Variants in ATPAF2 observed in about 807,000 individuals in gnomAD.
ATPAF2 encodes the protein ATP synthase mitochondrial F1 complex assembly factor 2.
ATPAF2 carries 30 observed loss-of-function variants against 36.6 expected under a neutral mutation model. That is an observed-to-expected ratio of 0.82 (90% CI 0.61 to 1.11). The LOEUF (loss-of-function observed/expected upper bound fraction) is 1.11. ATPAF2 is among the 50% of genes most tolerant of loss of function. The pLI is 0.00. For missense variants in ATPAF2, 321 were observed against 372.3 expected (o/e 0.86, Z 1.13); for synonymous variants, 140 against 152.6 (o/e 0.92, Z 0.61).
At chr17:18,019,788 T>C (rs927396918) in intron 7 of ATPAF2, among the ~76,000 whole-genome samples, 15 of 152,242 alleles carry the variant, frequency 9.9e-5, no homozygotes, top group African/African-American at 3.6e-4. Flanking sequence ...ACTGTACAAT[T>C]GTAATATGTC....
chr17:18,015,261 G>C (rs2044314736), downstream of ATPAF2: 3 of 152,148 alleles, frequency 2.0e-5, no homozygotes, highest in Admixed American at 1.3e-4. Context: ...TGCCACTACA[G>C]GAAAGAACAA....
chr17:18,019,222 C>A (rs1005213425), intron 7 of ATPAF2, among the ~76,000 whole-genome samples: 22 of 151,956 alleles, frequency 1.4e-4, no homozygotes, highest in African/African-American at 4.8e-4. Context: ...GGAGCAGGCA[C>A]CTGTGCTCTC....
At chr17:18,025,049 G>A in intron 4 of ATPAF2, 1 of 376,382 alleles carries the variant, frequency 2.7e-6, no homozygotes, top group Non-Finnish European at 5.1e-6. Context: ...ACAGGTCCAA[G>A]CTTGCCACAC....
At chr17:18,015,961 T>C (rs1446427079), downstream of ATPAF2, 2 of 1,304,588 alleles carry the variant, frequency 1.5e-6, no homozygotes, top group Non-Finnish European at 2.1e-6. Context: ...GAGTGTGGCC[T>C]GCACAGCCAG....
chr17:18,026,618 C>T (rs565785033), intron 3 of ATPAF2: 16 of 612,156 alleles, frequency 2.6e-5, no homozygotes, highest in African/African-American at 9.2e-5. Flanking sequence ...TTTGTGTTGA[C>T]GCTCACAGGA....
Position 18,018,538 on chromosome 17 carries a change from C to T in ATPAF2, c.*11G>A, listed in dbSNP as rs1357497754. On this transcript the variant is annotated 3_prime_UTR_variant, in exon 8 of 8. Transcript: ENST00000474627. ...CTGCCTCTATCCTGCTGAGTGTGCT[C>T]TGCCCAGGCCTCACTCCTTCAGGAG... 3 of 1,613,102 alleles carry T rather than the reference C, an allele frequency of 1.9e-6. No individual in the cohort carries two copies. Among genetic ancestry groups the T allele is most frequent in the Non-Finnish European group, 2.5e-6 (3 of 1,180,048 alleles).
At chr17:18,020,902 C>T in intron 7 of ATPAF2, 1 of 1,206,014 alleles carries the variant, frequency 8.3e-7, no homozygotes, top group Non-Finnish European at 1.1e-6. Flanking sequence ...CTCAAATGAT[C>T]CATCCTCCTC....
chr17:18,035,909 C>A (rs1057199613), intron 1 of ATPAF2, among the ~76,000 whole-genome samples: 2 of 152,166 alleles, frequency 1.3e-5, no homozygotes, highest in Non-Finnish European at 2.9e-5. Context: ...ATAGCAGAGA[C>A]AAGACTTCTA....
Position 18,024,724 on chromosome 17 carries a change from A to G in ATPAF2, c.423-20T>C, listed in dbSNP as rs751639062. 1.2e-5 allele frequency: 19 copies of G among 1,598,436 alleles called. No individual in the cohort carries two copies. In the South Asian group the frequency reaches 2.1e-4, roughly 18 times the overall value. ...CTGTAGCTAATTCATTGTAAAAATA[A>G]CCTTCATTAATAAAAAAGTACAATT... On this transcript the variant is annotated intron_variant, in intron 4 of 7. Transcript: ENST00000474627.
rs1413631448 is a variant in ATPAF2, at chr17:18,028,598, A to G, written c.178+17T>C. On this transcript the variant is annotated intron_variant, in intron 2 of 7. Transcript: ENST00000474627. ...AAAAAAAAAAAAAAAGAGGCAGTCAAAATTTCAGACACTCACCTTCACCCT... is the reference window on the plus strand; with the variant it reads ...AAAAAAAAAAAAAAAGAGGCAGTCAGAATTTCAGACACTCACCTTCACCCT... The G allele has an allele frequency of 6.2e-7, 1 of 1,603,764 alleles. No homozygotes were observed. The highest frequency in any genetic ancestry group is 1.1e-5 in the South Asian group (1 of 88,798).
rs576523444 is a variant in ATPAF2, at chr17:18,018,298, C to T, written c.*251G>A. The T allele has an allele frequency of 7.1e-6, 4 of 560,806 alleles. No individual in the cohort carries two copies. The highest frequency in any genetic ancestry group is 5.7e-5 in the African/African-American group (3 of 53,062). 34.7% of individuals were successfully genotyped at this position (560,806 alleles called of 1,614,324 possible). A position where few individuals can be genotyped will look rare whatever the true frequency, so the allele number is the denominator to read the frequency against. ...GAGAAATATTTAATAAAATCAGAGT[C>T]GAGAGAAAGTCACTTGCACAATTCA... On this transcript the variant is annotated 3_prime_UTR_variant, in exon 8 of 8. Transcript: ENST00000474627.
In ATPAF2 at chr17:18,038,872, T is replaced by C; in HGVS notation, c.133+9A>G. 2.5e-6 allele frequency: 4 copies of C among 1,613,876 alleles called. No individual in the cohort carries two copies. The highest frequency in any genetic ancestry group is 3.4e-6 in the Non-Finnish European group (4 of 1,179,764). ...GGCCCCAACCCAAAAGAACATGTCA[T>C]GGTCTTACCTGTCGGCGGGGCGTAA... On this transcript the variant is annotated intron_variant, in intron 1 of 7. Coordinates refer to ENST00000474627, the MANE Select transcript of ATPAF2 (RefSeq NM_145691.4).
At chr17:18,031,508 G>A (rs915308154) in intron 1 of ATPAF2, among the ~76,000 whole-genome samples, 27 of 151,902 alleles carry the variant, frequency 1.8e-4, no homozygotes, top group African/African-American at 5.3e-4. Flanking sequence ...TAGGCCAGGC[G>A]CGGTGGTCAC....
At position 18,018,117 on chromosome 17, in the gene ATPAF2, T is replaced by C. The variant is rs2044410432; in HGVS notation, c.*432A>G. The C allele has an allele frequency of 2.1e-5, 5 of 238,192 alleles. No homozygotes were observed. The South Asian group carries it at 3.0e-4, about 14-fold the overall frequency. The allele number at this position is 238,192 out of a possible 1,614,324, so 14.8% of individuals were successfully genotyped here. ...TAGAGTTGTCTGTGGATTACATGAT[T>C]GTTTCCCCAGTGCAAGGTTCCTGAC... On this transcript the variant is annotated 3_prime_UTR_variant, in exon 8 of 8. Coordinates refer to ENST00000474627, the MANE Select transcript of ATPAF2 (RefSeq NM_145691.4).
intron 4 of ATPAF2, 107 bp downstream of exon 4, chr17:18,026,212 G>T: frequency 1.8e-6 from 2 of 1,128,190 alleles, no homozygotes; most frequent in Non-Finnish European, 2.7e-6. Context: ...CACCTTCCTT[G>T]TCCTTGCAAT....
At chr17:18,023,478 G>C (rs2145492484) in intron 5 of ATPAF2, among the ~76,000 whole-genome samples, 1 of 152,262 alleles carries the variant, frequency 6.6e-6, no homozygotes, top group African/African-American at 2.4e-5. Context: ...AGTACAAATG[G>C]ACTGTAAGAA....
chr17:18,016,277 A>G (rs1021105535), downstream of ATPAF2: 2 of 1,413,252 alleles, frequency 1.4e-6, no homozygotes, highest in Non-Finnish European at 2.0e-6. Flanking sequence ...AGTGGATAGA[A>G]TTTTCATTAA....
intron 1 of ATPAF2, among the ~76,000 whole-genome samples, chr17:18,031,683 G>A (rs1466651085): frequency 1.3e-5 from 2 of 152,162 alleles, no homozygotes; most frequent in African/African-American, 2.4e-5. Flanking sequence ...GGGAGGCTGA[G>A]GCAGGAGAAT....
chr17:18,027,343 C>G (rs940762860), intron 3 of ATPAF2, among the ~76,000 whole-genome samples: 7 of 152,060 alleles, frequency 4.6e-5, no homozygotes, highest in Admixed American at 4.6e-4. Flanking sequence ...CCAGGCCAAC[C>G]ACCTCAGCAG....
Sources: gnomAD v4.1 joint callset for allele counts (sites outside exome capture counted in the v4.1 genomes callset) on GRCh38, gnomAD v4.1.1 for gene constraint, MANE v1.5 for transcripts, NCBI Gene and HGNC (gene_info 2026-07-23, HGNC 2026-07-21) for gene names.